Variants in GALNT5 observed in about 807,000 individuals in gnomAD.
GALNT5 encodes the protein polypeptide N-acetylgalactosaminyltransferase 5.
In GALNT5, 72 loss-of-function variants were observed where a neutral mutation model predicts 85.4. That is an observed-to-expected ratio of 0.84 (90% confidence interval 0.70 to 1.03). The LOEUF (loss-of-function observed/expected upper bound fraction) is 1.03. Ranked by LOEUF, GALNT5 falls within the 50% of genes least tolerant of loss-of-function variation. GALNT5 has a pLI of 0.00. For synonymous variants in GALNT5, 404 were observed against 397.0 expected (o/e 1.02, Z -0.21); for missense variants, 1,137 against 1,135.5 (o/e 1.00, Z -0.02).
chr2:157,292,137 CAA>C (rs1323859350), intron 3 of GALNT5, among the ~76,000 whole-genome samples: 3 of 152,084 alleles, frequency 2.0e-5, no homozygotes, highest in African/African-American at 7.2e-5. Context: ...GGGCAAAGCT[CAA>C]AAAAGTTAAG....
At chr2:157,303,158 T>A (rs1683375693) in intron 7 of GALNT5, among the ~76,000 whole-genome samples, 1 of 152,228 alleles carries the variant, frequency 6.6e-6, no homozygotes, top group East Asian at 1.9e-4. Context: ...CCAACAATAT[T>A]TGAAGCTAAT....
intron 1 of GALNT5, among the ~76,000 whole-genome samples, chr2:157,281,485 A>G (rs1682852582): frequency 6.6e-6 from 1 of 152,220 alleles, no homozygotes; most frequent in South Asian, 2.1e-4. Context: ...GTTGGTAGCA[A>G]TATGAATATC....
intron 1 of GALNT5, among the ~76,000 whole-genome samples, chr2:157,283,729 T>G (rs746684884): frequency 1.3e-5 from 2 of 152,170 alleles, no homozygotes; most frequent in Non-Finnish European, 2.9e-5. Context: ...TCTTCTAGCA[T>G]ATAATCTAGT....
rs147071410 is a variant in GALNT5 at position 157,293,606 on chromosome 2, C to G, written c.1742-2057C>G. ...GGTCAGGAGATGAAACTGCTATCTCCAAGAACAGAAGACTACATGGAGCGG... is the reference window on the plus strand; with the variant it reads ...GGTCAGGAGATGAAACTGCTATCTCGAAGAACAGAAGACTACATGGAGCGG... On this transcript the variant is annotated intron_variant, in intron 3 of 9. Coordinates refer to ENST00000259056, the MANE Select transcript of GALNT5 (RefSeq NM_014568.3). 5.3e-3 allele frequency among the ~76,000 whole-genome samples: 814 copies of G among 152,310 alleles called. 2 individuals are homozygous for G. Among genetic ancestry groups the G allele is most frequent in the Non-Finnish European group, 8.5e-3 (581 of 68,028 alleles).
At chr2:157,287,100 TATAAC>T (rs544375234) in intron 3 of GALNT5, among the ~76,000 whole-genome samples, 112 of 152,312 alleles carry the variant, frequency 7.4e-4, no homozygotes, top group African/African-American at 2.6e-3. Flanking sequence ...AGGCATATAA[TATAAC>T]ATAATATCAC....
intron 3 of GALNT5, among the ~76,000 whole-genome samples, chr2:157,290,697 C>T (rs1683081462): frequency 6.6e-6 from 1 of 151,976 alleles, no homozygotes; most frequent in African/African-American, 2.4e-5. Flanking sequence ...TAAAATTTGC[C>T]CTTTAGGACT....
chr2:157,273,756 C>T (rs1246790644), intron 1 of GALNT5, among the ~76,000 whole-genome samples: 2 of 147,812 alleles, frequency 1.4e-5, no homozygotes, highest in Non-Finnish European at 3.0e-5. Context: ...AATTCTCCTA[C>T]CTCAGCCTTC....
Position 157,314,849 on chromosome 2 carries a change from G to A in GALNT5, c.*3501G>A, listed in dbSNP as rs541275535. Among the ~76,000 whole-genome samples, 1 of 152,308 alleles carries A rather than the reference G, an allele frequency of 6.6e-6. No individual in the cohort carries two copies. The highest frequency in any genetic ancestry group is 1.5e-5 in the Non-Finnish European group (1 of 68,040). On this transcript the variant is annotated 3_prime_UTR_variant, in exon 10 of 10. Coordinates refer to ENST00000259056, the MANE Select transcript of GALNT5 (RefSeq NM_014568.3). Reference sequence around the variant, plus strand: ...AATCCTAGCACTTTAGGAGGCCAAGGTGGGTGGATCATGAGGTCAGGAGTT... The same window carrying A: ...AATCCTAGCACTTTAGGAGGCCAAGATGGGTGGATCATGAGGTCAGGAGTT...
Position 157,318,335 on chromosome 2 carries a change from C to T in GALNT5, c.*6987C>T, listed in dbSNP as rs539931264. On this transcript the variant is annotated 3_prime_UTR_variant, in exon 10 of 10. Transcript: ENST00000259056. ...ATTACAGAGATTTCTTCAAGTTGTTCGTGTTAAGATGCATCTTAAACATGA... is the reference window on the plus strand; with the variant it reads ...ATTACAGAGATTTCTTCAAGTTGTTTGTGTTAAGATGCATCTTAAACATGA... Among the ~76,000 whole-genome samples, 51 of 152,124 alleles carry T rather than the reference C, an allele frequency of 3.4e-4. No homozygotes were observed. Among genetic ancestry groups the T allele is most frequent in the African/African-American group, 1.2e-3 (48 of 41,514 alleles).
In GALNT5 at chr2:157,258,372, G is replaced by C; in HGVS notation, c.290G>C (p.Ser97Thr). 1.2e-6 allele frequency: 2 copies of C among 1,609,840 alleles called. No homozygotes were observed. The highest frequency in any genetic ancestry group is 1.7e-4 in the Middle Eastern group (1 of 6,038). ...GKENVRKTEE[S>T]VLKVEVDLDQ... ...GAGAATGTTAGAAAAACTGAGGAGA[G>C]TGTGCTCAAGGTTGAGGTGGACTTG... Residue 97 changes from serine (S) to threonine (T), a missense_variant, in exon 1 of 10, where the codon AGT (serine) becomes ACT (threonine). Coordinates refer to ENST00000259056, the MANE Select transcript of GALNT5 (RefSeq NM_014568.3).
intron 2 of GALNT5, among the ~76,000 whole-genome samples, chr2:157,285,316 G>C (rs1385184856): frequency 6.6e-6 from 1 of 152,176 alleles, no homozygotes; most frequent in African/African-American, 2.4e-5. Flanking sequence ...TTAGTAAGTA[G>C]ATAGGAGTCC....
In GALNT5 at chr2:157,300,967, T is replaced by C. The variant is rs770042374; in HGVS notation, c.2407T>C (p.Leu803=). 1 of 1,613,848 alleles carries C rather than the reference T, an allele frequency of 6.2e-7. No homozygotes were observed. Among genetic ancestry groups the C allele is most frequent in the Non-Finnish European group, 8.5e-7 (1 of 1,179,908 alleles). ...GTACTTGGAGAATGTCTTTCCTGAC[T>C]TAAGGGCTCCCATTGTGAGAGCTAG... ...KWYLENVFPD[L]RAPIVRASGV... Residue 803 remains leucine, a synonymous_variant, in exon 7 of 10, where the codon TTA becomes CTA. Transcript: ENST00000259056.
intron 1 of GALNT5, among the ~76,000 whole-genome samples, chr2:157,266,956 A>T (rs1682469881): frequency 6.6e-6 from 1 of 152,210 alleles, no homozygotes; most frequent in South Asian, 2.1e-4. Context: ...AGCAAAGGTG[A>T]TTCTTTAAAA....
intron 8 of GALNT5, among the ~76,000 whole-genome samples, chr2:157,306,539 A>G (rs914939857): frequency 1.3e-5 from 2 of 152,178 alleles, no homozygotes; most frequent in African/African-American, 4.8e-5. Flanking sequence ...TCTAACATAC[A>G]TTCCTTAACA....
At chr2:157,265,734 C>CT (rs1188607520) in intron 1 of GALNT5, among the ~76,000 whole-genome samples, 2 of 152,124 alleles carry the variant, frequency 1.3e-5, no homozygotes, top group Admixed American at 1.3e-4. Context: ...AGAGAAACAA[C>CT]TTTTTTGCTC....
chr2:157,290,112 T>TATATATACACACACAC (rs1416458086), intron 3 of GALNT5, among the ~76,000 whole-genome samples: 1 of 138,232 alleles, frequency 7.2e-6, no homozygotes, highest in Non-Finnish European at 1.5e-5. Flanking sequence ...TATATATATA[T>TATATATACACACACAC]ACATACACAA....
rs765139043 is a variant in GALNT5 at position 157,295,792 on chromosome 2, A to T, written c.1871A>T (p.Asp624Val). 1 of 1,598,598 alleles carries T rather than the reference A, an allele frequency of 6.3e-7. No individual in the cohort carries two copies. The highest frequency in any genetic ancestry group is 1.3e-5 in the African/African-American group (1 of 74,458). The change falls in exon 4 of 10, where the codon GAT (aspartate) becomes GTT (valine). Residue 624 changes from aspartate to valine, a missense_variant. Physicochemically the swap from Asp to Val is radical, Grantham distance 152 (BLOSUM62 -3). Coordinates refer to ENST00000259056, the MANE Select transcript of GALNT5 (RefSeq NM_014568.3). The part of the protein sequence containing the change: ...CPVIEVINDK[D>V]MSYMTVDNFQ... The stretch of plus-strand genomic sequence containing the variant: ...GTAATCGAAGTCATCAATGATAAGG[A>T]TATGAGGTAATATTTACACATTCCA...
chr2:157,296,055 T>C (rs1314813507), intron 4 of GALNT5, among the ~76,000 whole-genome samples: 3 of 152,248 alleles, frequency 2.0e-5, no homozygotes, highest in African/African-American at 4.8e-5. Context: ...TTTTCCCCTT[T>C]ATATTTAGCT....
chr2:157,292,496 T>C (rs1683122016), intron 3 of GALNT5, among the ~76,000 whole-genome samples: 1 of 152,248 alleles, frequency 6.6e-6, no homozygotes. Flanking sequence ...CCTTAGGTCC[T>C]GGCAGCAAAT....
Sources: allele counts gnomAD v4.1 joint callset (sites outside exome capture counted in the v4.1 genomes callset), GRCh38; gene constraint gnomAD v4.1.1; transcripts MANE v1.5; gene names NCBI Gene and HGNC (gene_info 2026-07-23, HGNC 2026-07-21).